DENND5A: variants seen among roughly 807,000 people sequenced by gnomAD.
The protein encoded by DENND5A is DENN domain-containing protein 5A.
DENND5A carries 64 observed loss-of-function variants against 140.3 expected under a neutral mutation model. The observed-to-expected ratio is 0.46, with a 90% CI of 0.37 to 0.56. The LOEUF (loss-of-function observed/expected upper bound fraction) is 0.56. Among genes scored for constraint, DENND5A ranks in the 20% least tolerant of loss-of-function variants. The pLI, the probability that DENND5A is intolerant of heterozygous loss-of-function variation, is 0.00. For synonymous variants in DENND5A, 605 were observed against 607.7 expected, an observed-to-expected ratio of 1.00 and a Z score of 0.07; for missense variants, 1,292 against 1,593.8, an observed-to-expected ratio of 0.81 and a Z score of 3.22.
intron 15 of DENND5A, among the ~76,000 whole-genome samples, chr11:9,148,244 A>T (rs1847496710): frequency 6.6e-6 from 1 of 152,094 alleles, no homozygotes; most frequent in Admixed American, 6.5e-5. Flanking sequence ...TTGTACAGAC[A>T]GGTTTGGAAA....
intron 1 of DENND5A, among the ~76,000 whole-genome samples, chr11:9,223,154 T>C (rs1204751748): frequency 6.6e-6 from 1 of 151,604 alleles, no homozygotes; most frequent in Non-Finnish European, 1.5e-5. Context: ...CTTTGGGAGC[T>C]GAGACAAGAA....
intron 12 of DENND5A, among the ~76,000 whole-genome samples, chr11:9,159,662 T>C (rs140392848): frequency 3.3e-5 from 5 of 152,334 alleles, no homozygotes; most frequent in African/African-American, 1.2e-4. Flanking sequence ...ACATATGTTT[T>C]CACTTATCTT....
At chr11:9,154,074 C>T (rs929598504) in intron 12 of DENND5A, among the ~76,000 whole-genome samples, 1 of 152,152 alleles carries the variant, frequency 6.6e-6, no homozygotes, top group Non-Finnish European at 1.5e-5. Flanking sequence ...AGTAAGATTA[C>T]AATAATTTTA....
At chr11:9,159,289 A>C (rs545659115) in intron 12 of DENND5A, among the ~76,000 whole-genome samples, 11 of 151,364 alleles carry the variant, frequency 7.3e-5, no homozygotes, top group Non-Finnish European at 1.5e-4. Context: ...AGATGACACT[A>C]TTATGACTAA....
chr11:9,151,876 C>A (rs1157773064), intron 13 of DENND5A, among the ~76,000 whole-genome samples: 1 of 152,186 alleles, frequency 6.6e-6, no homozygotes, highest in Non-Finnish European at 1.5e-5. Context: ...GGAGTTGCCA[C>A]AAACTCTGAC....
intron 7 of DENND5A, among the ~76,000 whole-genome samples, 176 bp downstream of exon 7, chr11:9,178,682 C>A (rs1431397635): frequency 1.3e-5 from 2 of 152,146 alleles, no homozygotes; most frequent in African/African-American, 4.8e-5. Flanking sequence ...TAATAATAAT[C>A]AGCACATCTA....
At position 9,203,648 on chromosome 11, in the gene DENND5A, G is replaced by A; in HGVS notation, c.949+12C>T. The stretch of plus-strand genomic sequence containing the variant: ...TGAGGCAGGCAGAAGGCTCTAGTAA[G>A]CACTGACTTACGCTGTGAGTAGAGC... On this transcript the variant is annotated intron_variant, in intron 4 of 22. Transcript: ENST00000328194. 6.2e-7 allele frequency: 1 copy of A among 1,605,622 alleles called. No homozygotes were observed. Among genetic ancestry groups the A allele is most frequent in the Non-Finnish European group, 8.5e-7 (1 of 1,176,062 alleles).
At chr11:9,241,967 T>C (rs904292816) in intron 1 of DENND5A, among the ~76,000 whole-genome samples, 7 of 149,232 alleles carry the variant, frequency 4.7e-5, no homozygotes, top group South Asian at 2.1e-4. Context: ...TGAGCAGAGA[T>C]TGCACCATTG....
intron 1 of DENND5A, among the ~76,000 whole-genome samples, chr11:9,234,731 G>A (rs762261472): frequency 6.6e-6 from 1 of 152,224 alleles, no homozygotes; most frequent in African/African-American, 2.4e-5. Flanking sequence ...GTGCCTTAAG[G>A]ACGTGCTCCT....
At chr11:9,150,600 CCTTGTTA>C in intron 14 of DENND5A, 73 bp downstream of exon 14, 1 of 948,356 alleles carries the variant, frequency 1.1e-6, no homozygotes, top group Non-Finnish European at 1.6e-6. Context: ...GCCACTGAGA[CCTTGTTA>C]CTAAAAGTGG....
At chr11:9,209,013 C>T (rs1849783079) in intron 1 of DENND5A, among the ~76,000 whole-genome samples, 1 of 152,194 alleles carries the variant, frequency 6.6e-6, no homozygotes, top group East Asian at 1.9e-4. Context: ...GTCTGAAATT[C>T]TTGGGATGTA....
chr11:9,265,349 A>C lies in DENND5A; in HGVS notation c.-280T>G. On this transcript the variant is annotated 5_prime_UTR_variant, in exon 1 of 23. Transcript: ENST00000328194. This position sits in a 1 kb window ranked among gnomAD's most constrained non-coding sequence, Gnocchi z 4.7. The stretch of plus-strand genomic sequence containing the variant: ...GCCGCGGCCCGAGCGAGCCTGGAGA[A>C]GGGCGGAGAGCGCGTGGACAGCCCC... 2.7e-5 allele frequency: 5 copies of C among 182,546 alleles called. No homozygotes were observed. The highest frequency in any genetic ancestry group is 1.2e-4 in the East Asian group (1 of 8,350). 11.3% of individuals were successfully genotyped at this position (182,546 alleles called of 1,614,324 possible).
rs763506608 is a variant in DENND5A at position 9,169,925 on chromosome 11, G to A, written c.2082C>T (p.Ala694=). ...TCTGCCGATCTTTCCGCCTCCACTG[G>A]GCAGGGGCATTCCTTTTCGTCCACC... The part of the protein sequence containing the change: ...SNKWTKRNAP[A]QWRRKDRQKQ... The change falls in exon 10 of 23, where the codon GCC becomes GCT. Residue 694 remains alanine, a synonymous_variant. Transcript: ENST00000328194. 1.2e-6 allele frequency: 2 copies of A among 1,613,522 alleles called. No individual in the cohort carries two copies. The highest frequency in any genetic ancestry group is 1.1e-5 in the South Asian group (1 of 91,060).
intron 1 of DENND5A, among the ~76,000 whole-genome samples, chr11:9,253,742 C>T (rs1851826343): frequency 6.6e-6 from 1 of 151,542 alleles, no homozygotes; most frequent in African/African-American, 2.4e-5. Context: ...TGATGCACAC[C>T]TGTAGTTCCA....
In DENND5A at chr11:9,211,789, G is replaced by A. The variant is rs146928151; in HGVS notation, c.110-4157C>T. 5.9e-3 allele frequency among the ~76,000 whole-genome samples: 902 copies of A among 152,078 alleles called. 11 individuals are homozygous for A. The highest frequency in any genetic ancestry group is 8.8e-3 in the Non-Finnish European group (597 of 67,984). On this transcript the variant is annotated intron_variant, in intron 1 of 22. Transcript: ENST00000328194. ...TCTACTAAAAATATAAAAATCAGGC[G>A]GGTGTGGTGGCGTGTGCCTGTAGTC...
At chr11:9,174,075 C>A (rs1848464135) in intron 8 of DENND5A, among the ~76,000 whole-genome samples, 1 of 127,832 alleles carries the variant, frequency 7.8e-6, no homozygotes, top group South Asian at 2.4e-4. Flanking sequence ...TGCACTCCAG[C>A]CTGGGCGATA....
chr11:9,150,117 T>A lies in DENND5A; in HGVS notation c.2699A>T (p.His900Leu). 1 of 1,613,912 alleles carries A rather than the reference T, an allele frequency of 6.2e-7. No individual in the cohort carries two copies. Among genetic ancestry groups the A allele is most frequent in the East Asian group, 2.2e-5 (1 of 44,874 alleles). The change falls in exon 15 of 23, where the codon CAC becomes CTC. Residue 900 changes from histidine (H) to leucine (L), a missense_variant. This residue lies in a region of DENND5A where 498 missense variants were observed against 689.7 expected (regional missense o/e 0.72). Transcript: ENST00000328194. ...LSMEKKLLSR[H>L]LKQLLSDHEL... ...ATGGTCTGAGAGGAGCTGCTTCAGG[T>A]GTCTGGAAAGTAACTTTTTTTCCAT... is the stretch of plus-strand genomic sequence containing the variant.
At chr11:9,145,391 T>C (rs779087110) in intron 17 of DENND5A, 135 of 577,404 alleles carry the variant, frequency 2.3e-4, no homozygotes, top group Non-Finnish European at 3.3e-4. Context: ...GTGGGCTGAG[T>C]AGCTGAAAGA....
At chr11:9,184,420 T>C (rs1478534592) in intron 5 of DENND5A, among the ~76,000 whole-genome samples, 1 of 152,224 alleles carries the variant, frequency 6.6e-6, no homozygotes, top group Non-Finnish European at 1.5e-5. Context: ...TGTTATTACA[T>C]GTTTTCTTGG....
Sources: allele counts gnomAD v4.1 joint callset (sites outside exome capture counted in the v4.1 genomes callset), GRCh38; gene constraint gnomAD v4.1.1; regional missense constraint gnomAD v4.1.1; non-coding constraint Gnocchi (gnomAD v3.1); transcripts MANE v1.5; gene names NCBI Gene and HGNC (gene_info 2026-07-23, HGNC 2026-07-21).